Variants in ALCAM observed in about 807,000 individuals in gnomAD.
The protein encoded by ALCAM is activated leukocyte cell adhesion molecule, also known as CD166 antigen.
Under a neutral mutation model 70.9 loss-of-function variants are expected in ALCAM, and 30 were observed. The ratio of observed to expected loss-of-function variants is 0.42; its 90% CI spans 0.32 to 0.57. ALCAM has a LOEUF of 0.57. ALCAM is among the 20% of genes least tolerant of loss of function. The pLI is 0.11. For synonymous variants in ALCAM, 249 were observed against 242.5 expected (o/e 1.03, Z -0.25); for missense variants, 591 against 695.1 (o/e 0.85, Z 1.68).
chr3:105,464,070 C>CTGT (rs1322485862), intron 1 of ALCAM, among the ~76,000 whole-genome samples: 1 of 151,220 alleles, frequency 6.6e-6, no homozygotes, highest in Non-Finnish European at 1.5e-5. Context: ...CTGTCAACCT[C>CTGT]CAGAGGACTA....
chr3:105,534,454 G>C (rs1183418143), intron 5 of ALCAM, among the ~76,000 whole-genome samples: 4 of 152,126 alleles, frequency 2.6e-5, no homozygotes, highest in Non-Finnish European at 4.4e-5. Context: ...TTAATTAAGT[G>C]AGTGGGAAAA....
intron 1 of ALCAM, among the ~76,000 whole-genome samples, chr3:105,458,835 G>A (rs6794273): frequency 0.15 from 23,062 of 152,066 alleles, 1,865 homozygotes; most frequent in Middle Eastern, 0.19. Context: ...GGGGGCTTAT[G>A]TCATCTTACA....
intron 1 of ALCAM, among the ~76,000 whole-genome samples, chr3:105,409,987 A>G (rs1293929518): frequency 9.2e-5 from 14 of 152,060 alleles, no homozygotes; most frequent in Non-Finnish European, 2.1e-4. Flanking sequence ...CCCAGCGTTG[A>G]CACATTATTA....
In ALCAM at chr3:105,541,638, G is replaced by T; in HGVS notation, c.864G>T (p.Gln288His). 1 of 1,611,566 alleles carries T rather than the reference G, an allele frequency of 6.2e-7. No homozygotes were observed. Among genetic ancestry groups the T allele is most frequent in the Non-Finnish European group, 8.5e-7 (1 of 1,178,486 alleles). ...CATTTTGCCTCTATCAAAAGGGACA[G>T]CCCGAAGGAATAAGAAGCTCAAATA... ...PEEFLFYLPG[Q>H]PEGIRSSNTY... Residue 288 changes from glutamine (Q) to histidine (H), a missense_variant, in exon 8 of 16, where the codon CAG (glutamine) becomes CAT (histidine). Gln to His is a conservative substitution (Grantham distance 24, BLOSUM62 0). This residue lies in a region of ALCAM where 427 missense variants were observed against 450.4 expected (regional missense o/e 0.95). Coordinates refer to ENST00000306107, the MANE Select transcript of ALCAM (RefSeq NM_001627.4).
chr3:105,370,673 T>TC (rs1023155451), intron 1 of ALCAM, among the ~76,000 whole-genome samples: 1 of 152,088 alleles, frequency 6.6e-6, no homozygotes, highest in Non-Finnish European at 1.5e-5. Context: ...CCTTTTTTTT[T>TC]CTACCTTTAA....
At chr3:105,433,046 A>G (rs1936972233) in intron 1 of ALCAM, among the ~76,000 whole-genome samples, 1 of 152,150 alleles carries the variant, frequency 6.6e-6, no homozygotes, top group African/African-American at 2.4e-5. Flanking sequence ...AGCAATCAGG[A>G]TTGCAAACAT....
chr3:105,533,327 G>A lies in ALCAM; in HGVS notation c.460-276G>A, dbSNP rs569358018. Among the ~76,000 whole-genome samples, 31 of 152,190 alleles carry A rather than the reference G, an allele frequency of 2.0e-4. No homozygotes were observed. The South Asian group carries it at 5.6e-3, about 28-fold the overall frequency. Reference sequence around the variant, plus strand: ...AATGAATAGTGTCAAAATGAATTTGGCAATGCTTTCAAATGAATGTGATTT... The same window carrying A: ...AATGAATAGTGTCAAAATGAATTTGACAATGCTTTCAAATGAATGTGATTT... On this transcript the variant is annotated intron_variant, in intron 4 of 15. Coordinates refer to ENST00000306107, the MANE Select transcript of ALCAM (RefSeq NM_001627.4).
At chr3:105,559,152 A>C (rs989177249) in intron 14 of ALCAM, among the ~76,000 whole-genome samples, 3 of 148,750 alleles carry the variant, frequency 2.0e-5, no homozygotes, top group Non-Finnish European at 3.0e-5. Context: ...TATTTTATAA[A>C]TTGTAAAATA....
chr3:105,389,397 T>TC (rs1935748500), intron 1 of ALCAM, among the ~76,000 whole-genome samples: 1 of 140,752 alleles, frequency 7.1e-6, no homozygotes, highest in East Asian at 2.1e-4. Flanking sequence ...TTTTTTTTTT[T>TC]TCTAAAAAAC....
chr3:105,512,116 G>A (rs551361101), intron 1 of ALCAM, among the ~76,000 whole-genome samples: 20 of 152,116 alleles, frequency 1.3e-4, no homozygotes, highest in African/African-American at 4.8e-4. Context: ...GGATATTAAA[G>A]CATTAGAAAC....
rs145404894 is a variant in ALCAM, at chr3:105,557,221, G to A, written c.1664+4636G>A. On this transcript the variant is annotated intron_variant, in intron 14 of 15. Coordinates refer to ENST00000306107, the MANE Select transcript of ALCAM (RefSeq NM_001627.4). The stretch of plus-strand genomic sequence containing the variant: ...TATGAGAAGTCAGACTAATTCAAAC[G>A]TTGACTTCTCTCTTTTCTCTACCCA... 5.0e-3 allele frequency among the ~76,000 whole-genome samples: 764 copies of A among 152,156 alleles called. 7 individuals are homozygous for A. The highest frequency in any genetic ancestry group is 0.016 in the African/African-American group (673 of 41,514).
In ALCAM at chr3:105,432,208, G is replaced by A. The variant is rs142835541; in HGVS notation, c.73+64727G>A. Among the ~76,000 whole-genome samples, 601 of 152,086 alleles carry A rather than the reference G, an allele frequency of 4.0e-3. 2 individuals carry two copies. Among genetic ancestry groups the A allele is most frequent in the Non-Finnish European group, 6.7e-3 (455 of 67,954 alleles). ...AAAATATACAACTTGCAAATTTTTCGTTTTAGGGTTTGTTTAAATTAAGCT... is the reference window on the plus strand; with the variant it reads ...AAAATATACAACTTGCAAATTTTTCATTTTAGGGTTTGTTTAAATTAAGCT... On this transcript the variant is annotated intron_variant, in intron 1 of 15. Transcript: ENST00000306107.
At chr3:105,554,617 A>G (rs1474353746) in intron 14 of ALCAM, among the ~76,000 whole-genome samples, 2 of 151,972 alleles carry the variant, frequency 1.3e-5, no homozygotes, top group Non-Finnish European at 2.9e-5. Flanking sequence ...TTCTCAATGA[A>G]CATTTTACCT....
At chr3:105,482,766 A>G (rs912633316) in intron 1 of ALCAM, among the ~76,000 whole-genome samples, 2 of 152,170 alleles carry the variant, frequency 1.3e-5, no homozygotes, top group Non-Finnish European at 2.9e-5. Flanking sequence ...AAAGCAATGT[A>G]ATTTGCTAGT....
intron 3 of ALCAM, among the ~76,000 whole-genome samples, chr3:105,528,667 G>T (rs1464498644): frequency 5.9e-5 from 9 of 152,070 alleles, no homozygotes; most frequent in Non-Finnish European, 1.3e-4. Context: ...CTTATAAGTG[G>T]GAGCTAAATG....
chr3:105,561,026 A>T lies in ALCAM; in HGVS notation c.1664+8441A>T, dbSNP rs1001331376. Among the ~76,000 whole-genome samples the T allele has an allele frequency of 6.6e-5, 10 of 152,274 alleles. No homozygotes were observed. The South Asian group carries it at 1.2e-3, about 19-fold the overall frequency. Reference sequence around the variant, plus strand: ...CTAATATTTGGTCTTCAAATCCATGATCATATATCTCCTCATTTACTTGGC... The same window carrying T: ...CTAATATTTGGTCTTCAAATCCATGTTCATATATCTCCTCATTTACTTGGC... On this transcript the variant is annotated intron_variant, in intron 14 of 15. Transcript: ENST00000306107.
intron 1 of ALCAM, among the ~76,000 whole-genome samples, chr3:105,374,135 A>G (rs1935314554): frequency 6.6e-6 from 1 of 152,242 alleles, no homozygotes; most frequent in African/African-American, 2.4e-5. Context: ...AAGCTATTAT[A>G]CTTAATGAAT....
At chr3:105,506,162 C>T (rs1576208090) in intron 1 of ALCAM, among the ~76,000 whole-genome samples, 1 of 152,112 alleles carries the variant, frequency 6.6e-6, no homozygotes, top group Non-Finnish European at 1.5e-5. Flanking sequence ...GTAATATATG[C>T]CTGTTAATTA....
At chr3:105,497,466 T>A (rs962616326) in intron 1 of ALCAM, among the ~76,000 whole-genome samples, 42 of 152,218 alleles carry the variant, frequency 2.8e-4, no homozygotes, top group African/African-American at 1.0e-3. Context: ...GCTTATTATT[T>A]TTTTTAAGTG....
Sources: gnomAD v4.1 joint callset for allele counts (sites outside exome capture counted in the v4.1 genomes callset) on GRCh38, gnomAD v4.1.1 for gene constraint, gnomAD v4.1.1 regional missense constraint, MANE v1.5 for transcripts, NCBI Gene and HGNC (gene_info 2026-07-23, HGNC 2026-07-21) for gene names.